The following TOM1L1 variants were observed in gnomAD, a reference collection of about 807,000 sequenced individuals.
The protein encoded by TOM1L1 is target of myb1 like 1 membrane trafficking protein, also known as TOM1-like protein 1.
TOM1L1 carries 64 observed loss-of-function variants against 63.4 expected under a neutral mutation model. That is an observed-to-expected ratio of 1.01 (90% confidence interval 0.83 to 1.24). TOM1L1 has a LOEUF of 1.24. Ranked by LOEUF, TOM1L1 falls within the 50% of genes most tolerant of loss-of-function variation. The pLI, the probability that TOM1L1 is intolerant of heterozygous loss-of-function variation, is 0.00. For synonymous variants in TOM1L1, 166 were observed against 194.4 expected (o/e 0.85, Z 1.22); for missense variants, 536 against 567.0 (o/e 0.95, Z 0.55).
rs141536875 is a variant in TOM1L1, at chr17:54,930,144, T to C, written c.792T>C (p.Asp264=). ...MDLLVVVENE[D]VTVELIQVNE... ...TGCTTGTGGTGGTGGAGAACGAAGA[T>C]GTAACTGTTGAGCTAATTCAGGTGA... The change falls in exon 8 of 16, where the codon GAT becomes GAC. Residue 264 remains aspartate (D), a synonymous_variant. Transcript: ENST00000575882. 1 of 1,614,078 alleles carries C rather than the reference T, an allele frequency of 6.2e-7. No individual in the cohort carries two copies. Among genetic ancestry groups the C allele is most frequent in the African/African-American group, 1.3e-5 (1 of 75,030 alleles).
At chr17:54,958,867 A>G (rs1226194974) in intron 14 of TOM1L1, among the ~76,000 whole-genome samples, 5 of 152,194 alleles carry the variant, frequency 3.3e-5, no homozygotes, top group Non-Finnish European at 7.3e-5. Flanking sequence ...TGAATGTTGA[A>G]GAATAGGATC....
At chr17:54,915,703 C>A in intron 6 of TOM1L1, 43 bp from the exon 7 acceptor site, 2 of 1,352,676 alleles carry the variant, frequency 1.5e-6, no homozygotes, top group Admixed American at 2.3e-5. Flanking sequence ...GGTAGTTATT[C>A]TTTGTGTGTC....
chr17:54,934,713 ATTTT>A (rs60173487), intron 8 of TOM1L1, among the ~76,000 whole-genome samples: 5 of 147,512 alleles, frequency 3.4e-5, no homozygotes, highest in African/African-American at 1.2e-4. Flanking sequence ...AACTAGATGG[ATTTT>A]TTTTTTTTTT....
chr17:54,922,518 G>A (rs573421038), intron 7 of TOM1L1, among the ~76,000 whole-genome samples: 3 of 152,156 alleles, frequency 2.0e-5, no homozygotes, highest in East Asian at 3.9e-4. Context: ...TGGGAGGATC[G>A]CTTGAACCTG....
At chr17:54,931,457 T>A (rs2048856756) in intron 8 of TOM1L1, among the ~76,000 whole-genome samples, 1 of 152,150 alleles carries the variant, frequency 6.6e-6, no homozygotes, top group Admixed American at 6.6e-5. Flanking sequence ...TTGACTAGGT[T>A]TTTCTTCCCA....
At chr17:54,929,529 G>T (rs9916547) in intron 7 of TOM1L1, among the ~76,000 whole-genome samples, 17 of 151,904 alleles carry the variant, frequency 1.1e-4, no homozygotes, top group African/African-American at 4.1e-4. Context: ...TAAGTACAAC[G>T]TAACAGGAAA....
Position 54,900,933 on chromosome 17 carries a change from C to T in TOM1L1, c.58+10C>T, listed in dbSNP as rs765752371. On this transcript the variant is annotated intron_variant, in intron 1 of 15. Coordinates refer to ENST00000575882, the MANE Select transcript of TOM1L1 (RefSeq NM_005486.3). ...GTGGGCCACCTCATAGGTAAGGAGG[C>T]GCGGGGAGAGACGCCCAGGCAGGCA... 4 of 1,613,670 alleles carry T rather than the reference C, an allele frequency of 2.5e-6. No homozygotes were observed. Among genetic ancestry groups the T allele is most frequent in the Non-Finnish European group, 2.5e-6 (3 of 1,180,014 alleles).
In TOM1L1 at chr17:54,930,180, G is replaced by A. The variant is rs185857794; in HGVS notation, c.828G>A (p.Leu276=). 5.6e-5 allele frequency: 90 copies of A among 1,614,072 alleles called. No individual in the cohort carries two copies. Among genetic ancestry groups the A allele is most frequent in the Non-Finnish European group, 7.4e-5 (87 of 1,179,970 alleles). The stretch of plus-strand genomic sequence containing the variant: ...AGCTAATTCAGGTGAATGAGGATTT[G>A]AATAATGCTATCCTTGGATATGAGA... The part of the protein sequence containing the change: ...TVELIQVNED[L]NNAILGYERF... Residue 276 remains leucine (L), a synonymous_variant, in exon 8 of 16, where the codon TTG becomes TTA. Coordinates refer to ENST00000575882, the MANE Select transcript of TOM1L1 (RefSeq NM_005486.3).
chr17:54,933,126 CT>C (rs1169022336), intron 8 of TOM1L1, among the ~76,000 whole-genome samples: 3 of 149,202 alleles, frequency 2.0e-5, no homozygotes, highest in Non-Finnish European at 4.6e-5. Context: ...GGCTTATCCT[CT>C]GTTTTATCCA....
intron 14 of TOM1L1, among the ~76,000 whole-genome samples, chr17:54,955,433 T>C (rs2049451250): frequency 6.6e-6 from 1 of 152,146 alleles, no homozygotes; most frequent in African/African-American, 2.4e-5. Flanking sequence ...CCACCAAAAC[T>C]GCCCCCTTTG....
At chr17:54,928,845 C>A (rs1319602889) in intron 7 of TOM1L1, among the ~76,000 whole-genome samples, 2 of 151,850 alleles carry the variant, frequency 1.3e-5, no homozygotes. Flanking sequence ...GTTGTCTTTT[C>A]AATATTTTTT....
chr17:54,961,193 A>C (rs2077114806), intron 15 of TOM1L1, 42 bp from the exon 16 acceptor site: 2 of 1,274,312 alleles, frequency 1.6e-6, no homozygotes, highest in Non-Finnish European at 2.2e-6. Context: ...GGGAAAGAGA[A>C]GGACAGGATG....
rs548100172 is a variant in TOM1L1 at position 54,912,763 on chromosome 17, C to T, written c.320C>T (p.Pro107Leu). The change falls in exon 4 of 16, where the codon CCC becomes CTC. Residue 107 changes from proline (P) to leucine (L), a missense_variant. Physicochemically the swap from Pro to Leu is moderately conservative, Grantham distance 98. Transcript: ENST00000575882. ...VKENLVKLLNPRYNLPLDIQN... is the reference protein window; with the variant it reads ...VKENLVKLLNLRYNLPLDIQN... ...GAGAATTTAGTTAAGCTACTGAATC[C>T]CAGATACAACTTGCCATTAGACATT... 1 of 1,610,816 alleles carries T rather than the reference C, an allele frequency of 6.2e-7. No individual in the cohort carries two copies. Among genetic ancestry groups the T allele is most frequent in the East Asian group, 2.2e-5 (1 of 44,690 alleles).
intron 3 of TOM1L1, among the ~76,000 whole-genome samples, chr17:54,910,603 A>G (rs1598006762): frequency 6.6e-6 from 1 of 152,246 alleles, no homozygotes; most frequent in East Asian, 1.9e-4. Context: ...AGCTAGAAGC[A>G]CTTTTCCTTT....
intron 8 of TOM1L1, among the ~76,000 whole-genome samples, chr17:54,935,029 A>T (rs1239334259): frequency 1.3e-5 from 2 of 152,058 alleles, no homozygotes; most frequent in Non-Finnish European, 2.9e-5. Context: ...AACTAGGTGG[A>T]ATTTAAAACA....
At chr17:54,917,376 A>G (rs570894466) in intron 7 of TOM1L1, 6 of 152,192 alleles carry the variant, frequency 3.9e-5, no homozygotes, top group African/African-American at 1.2e-4. Flanking sequence ...TGTTTAATGT[A>G]TTTCTCTAAA....
At chr17:54,919,222 G>T (rs1210440519) in intron 7 of TOM1L1, among the ~76,000 whole-genome samples, 2 of 152,126 alleles carry the variant, frequency 1.3e-5, no homozygotes, top group East Asian at 3.9e-4. Flanking sequence ...TTTAACTTAT[G>T]ATGTTAACAC....
At chr17:54,957,596 G>C (rs1253405577) in intron 14 of TOM1L1, 1 of 152,100 alleles carries the variant, frequency 6.6e-6, no homozygotes, top group Admixed American at 6.5e-5. Flanking sequence ...TTTCTTTCTG[G>C]GGGTCAGAAT....
At position 54,961,575 on chromosome 17, in the gene TOM1L1, G is replaced by C. The variant is rs1415352184; in HGVS notation, c.*342G>C. The C allele has an allele frequency of 7.8e-7, 1 of 1,281,462 alleles. No homozygotes were observed. Among genetic ancestry groups the C allele is most frequent in the African/African-American group, 1.5e-5 (1 of 65,708 alleles). The allele number at this position is 1,281,462 out of a possible 1,614,324, so 79.4% of individuals were successfully genotyped here. A position where few individuals can be genotyped will look rare whatever the true frequency, so the allele number is the denominator to read the frequency against. ...AAATCGTCACACAGCTGTGATAAGA[G>C]TAGATTATTTTACTATGAAATAATT... On this transcript the variant is annotated 3_prime_UTR_variant, in exon 16 of 16. Transcript: ENST00000575882.
Sources: gnomAD v4.1 joint callset for allele counts (sites outside exome capture counted in the v4.1 genomes callset) on GRCh38, gnomAD v4.1.1 for gene constraint, MANE v1.5 for transcripts, NCBI Gene and HGNC (gene_info 2026-07-23, HGNC 2026-07-21) for gene names.